FLCN: variants seen among roughly 807,000 people sequenced by gnomAD.
The protein encoded by FLCN is BHD skin lesion fibrofolliculoma protein.
FLCN carries 22 observed loss-of-function variants against 62.5 expected under a neutral mutation model. The observed-to-expected ratio is 0.35, with a 90% CI of 0.25 to 0.50. FLCN has a LOEUF of 0.50. Ranked by LOEUF, FLCN falls within the 20% of genes least tolerant of loss-of-function variation. FLCN has a pLI of 0.97. For missense variants in FLCN, 657 were observed against 778.0 expected (o/e 0.84, Z 1.85); for synonymous variants, 319 against 310.0 (o/e 1.03, Z -0.30).
At position 17,222,500 on chromosome 17, in the gene FLCN, C is replaced by A. The variant is rs758175953; in HGVS notation, c.779+1G>T. ...ATGCCAAAAGCAGAGACGCCCGTTA[C>A]CAGGCAAAGGAGGTGTGCAGGCACG... On this transcript the variant is annotated splice_donor_variant, in intron 7 of 13. Coordinates refer to ENST00000285071, the MANE Select transcript of FLCN (RefSeq NM_144997.7). LOFTEE classifies it high-confidence loss of function. The A allele has an allele frequency of 7.4e-6, 12 of 1,614,078 alleles. No homozygotes were observed. The highest frequency in any genetic ancestry group is 1.0e-5 in the Non-Finnish European group (12 of 1,180,042).
chr17:17,234,900 A>T (rs1268873495), intron 1 of FLCN, among the ~76,000 whole-genome samples: 3 of 152,086 alleles, frequency 2.0e-5, no homozygotes, highest in African/African-American at 7.2e-5. Flanking sequence ...TCACGAGGTC[A>T]GGAGATTGAG....
At chr17:17,217,272 T>A in intron 9 of FLCN, 90 bp from the exon 10 acceptor site, 3 of 912,602 alleles carry the variant, frequency 3.3e-6, no homozygotes, top group Non-Finnish European at 5.3e-6. Context: ...TTCATAAAAC[T>A]TTGTAGAGCA....
chr17:17,234,588 A>T (rs1231988353), intron 1 of FLCN, among the ~76,000 whole-genome samples: 1 of 151,436 alleles, frequency 6.6e-6, no homozygotes, highest in Non-Finnish European at 1.5e-5. Context: ...TTAAGCCTGT[A>T]ATCCCAGCAC....
chr17:17,228,211 GA>G, intron 3 of FLCN, 50 bp from the exon 4 acceptor site: 1 of 1,571,834 alleles, frequency 6.4e-7, no homozygotes, highest in South Asian at 1.1e-5. Flanking sequence ...TTGACTCCAT[GA>G]AACCTCCCCA....
intron 3 of FLCN, among the ~76,000 whole-genome samples, chr17:17,231,304 G>A (rs149589438): frequency 3.3e-5 from 5 of 152,208 alleles, no homozygotes; most frequent in South Asian, 2.1e-4. Context: ...CACGACTCAC[G>A]CCACCCCTCT....
chr17:17,214,893 T>C, intron 13 of FLCN, 92 bp downstream of exon 13: 1 of 1,345,254 alleles, frequency 7.4e-7, no homozygotes, highest in Admixed American at 1.7e-5. Flanking sequence ...GGCTCCTCCC[T>C]CAGTGGCCAC....
rs943790533 is a variant in FLCN, at chr17:17,216,705, G to A, written c.1177-202C>T. 1.3e-5 allele frequency among the ~76,000 whole-genome samples: 2 copies of A among 152,180 alleles called. No individual in the cohort carries two copies. The highest frequency in any genetic ancestry group is 2.9e-5 in the Non-Finnish European group (2 of 68,032). Reference sequence around the variant, plus strand: ...CCACCAGGTCCCTAACTCTTGTCTGGACCGCCAGTCACACACCAGCTTGTA... The same window carrying A: ...CCACCAGGTCCCTAACTCTTGTCTGAACCGCCAGTCACACACCAGCTTGTA... On this transcript the variant is annotated intron_variant, in intron 10 of 13. Coordinates refer to ENST00000285071, the MANE Select transcript of FLCN (RefSeq NM_144997.7). This position sits in a 1 kb window ranked among gnomAD's most constrained non-coding sequence, Gnocchi z 4.0.
chr17:17,236,346 T>C (rs1395295389), intron 1 of FLCN, among the ~76,000 whole-genome samples: 1 of 152,168 alleles, frequency 6.6e-6, no homozygotes, highest in Non-Finnish European at 1.5e-5. Flanking sequence ...TATTACTCAA[T>C]TACTTGATGA....
chr17:17,222,397 CA>C (rs1567817157), intron 7 of FLCN, 103 bp downstream of exon 7: 5 of 1,533,176 alleles, frequency 3.3e-6, no homozygotes, highest in Non-Finnish European at 4.4e-6. Context: ...AGGCAGCAAG[CA>C]AACACGGCTA....
rs2047252923 is a variant in FLCN at position 17,226,457 on chromosome 17, A to C, written c.250-135T>G. ...ATAATTGGCTTCCAGATTTATACTT[A>C]TCTGAAGATTTAAATGTTTCCTAAA... On this transcript the variant is annotated intron_variant, in intron 4 of 13. Coordinates refer to ENST00000285071, the MANE Select transcript of FLCN (RefSeq NM_144997.7). The C allele has an allele frequency of 3.8e-6, 4 of 1,043,514 alleles. No individual in the cohort carries two copies. In the Admixed American group the frequency reaches 8.0e-5, roughly 21 times the overall value. 64.6% of individuals were successfully genotyped at this position (1,043,514 alleles called of 1,614,324 possible).
intron 5 of FLCN, chr17:17,224,364 A>G: frequency 1.7e-6 from 1 of 587,314 alleles, no homozygotes. Context: ...AGGGCCGGTA[A>G]CAAGGCTTAT....
chr17:17,230,788 G>A, intron 3 of FLCN, among the ~76,000 whole-genome samples: 1 of 152,042 alleles, frequency 6.6e-6, no homozygotes, highest in East Asian at 1.9e-4. Flanking sequence ...AACTACTTGG[G>A]AGGCCTAGGC....
rs974975943 is a variant in FLCN, at chr17:17,213,256, T to C, written c.*399A>G. 5.0e-5 allele frequency: 20 copies of C among 403,096 alleles called. No homozygotes were observed. Among genetic ancestry groups the C allele is most frequent in the African/African-American group, 3.6e-4 (18 of 50,538 alleles). 25.0% of individuals were successfully genotyped at this position (403,096 alleles called of 1,614,324 possible). ...CAGAAACTCTTGCTGAATTTCAAAG[T>C]AGAAACGCTTGAATGTTAACCTCGG... On this transcript the variant is annotated 3_prime_UTR_variant, in exon 14 of 14. Transcript: ENST00000285071.
intron 1 of FLCN, among the ~76,000 whole-genome samples, chr17:17,234,151 C>T (rs1043811754): frequency 4.6e-5 from 7 of 151,784 alleles, no homozygotes; most frequent in East Asian, 1.9e-4. Context: ...CCAGAGGCAA[C>T]GCTGACAAGC....
At chr17:17,219,863 C>T (rs866792175) in intron 8 of FLCN, 4 of 153,608 alleles carry the variant, frequency 2.6e-5, no homozygotes, top group East Asian at 1.9e-4. Flanking sequence ...TGAGGGCGTA[C>T]GTGTGCGGCT....
chr17:17,222,795 C>T, intron 6 of FLCN, 134 bp from the exon 7 acceptor site: 1 of 973,934 alleles, frequency 1.0e-6, no homozygotes, highest in Non-Finnish European at 1.6e-6. Context: ...ATGCAGAGCA[C>T]ACAAAGTGCC....
chr17:17,215,922 C>T (rs574062922), intron 11 of FLCN, among the ~76,000 whole-genome samples: 1 of 152,262 alleles, frequency 6.6e-6, no homozygotes, highest in Non-Finnish European at 1.5e-5. Context: ...CCTGACCACA[C>T]CAGTGAAGGC....
intron 8 of FLCN, chr17:17,220,941 T>C (rs1043931808): frequency 6.5e-6 from 2 of 309,004 alleles, no homozygotes; most frequent in African/African-American, 4.3e-5. Flanking sequence ...GGAAGCATTA[T>C]TAATGACATG....
Position 17,216,299 on chromosome 17 carries a change from A to G in FLCN, c.1300+81T>C, listed in dbSNP as rs778129117. The G allele has an allele frequency of 1.3e-5, 20 of 1,587,366 alleles. No individual in the cohort carries two copies. Among genetic ancestry groups the G allele is most frequent in the Non-Finnish European group, 1.5e-5 (18 of 1,164,260 alleles). On this transcript the variant is annotated intron_variant, in intron 11 of 13. Transcript: ENST00000285071. The surrounding 1 kb of genome is among the most constrained non-coding windows in gnomAD (Gnocchi z 4.0). ...AGGCCTCCTCTCCACAACCCATGAC[A>G]GAGATCTGGTTCCACTTTGGGCCTG... is the stretch of plus-strand genomic sequence containing the variant.
Sources: gnomAD v4.1 joint callset for allele counts (sites outside exome capture counted in the v4.1 genomes callset) on GRCh38, gnomAD v4.1.1 for gene constraint, Gnocchi (gnomAD v3.1) non-coding constraint, MANE v1.5 for transcripts, NCBI Gene and HGNC (gene_info 2026-07-23, HGNC 2026-07-21) for gene names.